Variants in MCTP2 observed in about 807,000 individuals in gnomAD.
MCTP2 encodes multiple C2 and transmembrane domain containing 2.
In MCTP2, 132 loss-of-function variants were observed where a neutral mutation model predicts 111.6. The observed-to-expected ratio is 1.18, with a 90% CI of 1.03 to 1.37. The LOEUF is 1.37. Among genes scored for constraint, MCTP2 ranks in the 40% most tolerant of loss-of-function variants. The pLI is 0.00. For synonymous variants in MCTP2, 395 were observed against 387.7 expected, an observed-to-expected ratio of 1.02 and a Z score of -0.22; for missense variants, 1,183 against 1,067.9, an observed-to-expected ratio of 1.11 and a Z score of -1.50.
chr15:94,300,323 C>T (rs113609663), intron 2 of MCTP2, among the ~76,000 whole-genome samples: 1,921 of 152,026 alleles, frequency 0.013, 38 homozygotes, highest in African/African-American at 0.044. Context: ...TCCTAGCTAA[C>T]ACGGTGAAAC....
In MCTP2 at chr15:94,265,743, A is replaced by G. The variant is rs1166367123; in HGVS notation, c.-65-32458A>G. On this transcript the variant is annotated intron_variant, in intron 1 of 22. Transcript: ENST00000357742. The stretch of plus-strand genomic sequence containing the variant: ...ATTATCTTAATGAAGCCTTTTTAAA[A>G]AGGAAGATAAAATGAAGGCAAAATA... Among the ~76,000 whole-genome samples the G allele has an allele frequency of 4.1e-4, 62 of 152,216 alleles. 1 individual carries two copies. Among genetic ancestry groups the G allele is most frequent in the Admixed American group, 4.1e-3 (62 of 15,286 alleles).
intron 1 of MCTP2, among the ~76,000 whole-genome samples, chr15:94,285,544 C>T (rs915001945): frequency 1.3e-5 from 2 of 151,888 alleles, no homozygotes; most frequent in African/African-American, 2.4e-5. Context: ...ACATTAACTT[C>T]GTTAGGGTTC....
At chr15:94,275,755 A>G (rs1329204972) in intron 1 of MCTP2, among the ~76,000 whole-genome samples, 1 of 152,198 alleles carries the variant, frequency 6.6e-6, no homozygotes, top group Non-Finnish European at 1.5e-5. Context: ...TAAGAAAGAT[A>G]AGAGCAGGTG....
intron 17 of MCTP2, among the ~76,000 whole-genome samples, chr15:94,431,353 G>A (rs1023787163): frequency 3.9e-5 from 6 of 152,152 alleles, no homozygotes; most frequent in Non-Finnish European, 8.8e-5. Context: ...CAAATGGTGC[G>A]GTGTGATTAG....
In MCTP2 at chr15:94,300,027, A is replaced by G. The variant is rs368289697; in HGVS notation, c.465+1297A>G. On this transcript the variant is annotated intron_variant, in intron 2 of 22. Coordinates refer to ENST00000357742, the MANE Select transcript of MCTP2 (RefSeq NM_001385001.1). ...ACATGTTTCTTTTAAACAAAATGCA[A>G]ATGAAGTAGATTATTAAATCAGGTC... 3.3e-5 allele frequency among the ~76,000 whole-genome samples: 5 copies of G among 152,334 alleles called. No homozygotes were observed. The East Asian group carries it at 7.7e-4, about 23-fold the overall frequency.
chr15:94,396,982 T>C (rs1013227108), intron 14 of MCTP2, among the ~76,000 whole-genome samples: 1 of 152,212 alleles, frequency 6.6e-6, no homozygotes, highest in African/African-American at 2.4e-5. Context: ...TTTTTATGAA[T>C]ATAAAATCTC....
intron 19 of MCTP2, among the ~76,000 whole-genome samples, chr15:94,444,460 T>C (rs2084005104): frequency 6.6e-6 from 1 of 152,240 alleles, no homozygotes; most frequent in Non-Finnish European, 1.5e-5. Context: ...TACTGAAAGT[T>C]CTAACCTTCT....
At chr15:94,349,817 C>G (rs916623336) in intron 8 of MCTP2, among the ~76,000 whole-genome samples, 1 of 79,086 alleles carries the variant, frequency 1.3e-5, no homozygotes, top group Non-Finnish European at 2.4e-5. Context: ...GGGACTCTGT[C>G]TGAAAAAAAA....
chr15:94,420,575 G>A (rs2082579122), intron 17 of MCTP2, among the ~76,000 whole-genome samples: 1 of 152,084 alleles, frequency 6.6e-6, no homozygotes, highest in African/African-American at 2.4e-5. Context: ...CAGATGACTT[G>A]GAAGGGTGGA....
chr15:94,367,828 C>A, intron 11 of MCTP2, 37 bp downstream of exon 11: 1 of 1,524,234 alleles, frequency 6.6e-7, no homozygotes, highest in South Asian at 1.2e-5. Flanking sequence ...CCCCCTCCTC[C>A]CACCTTCTCT....
intron 19 of MCTP2, among the ~76,000 whole-genome samples, chr15:94,448,619 A>G (rs761272329): frequency 6.6e-6 from 1 of 152,178 alleles, no homozygotes; most frequent in Non-Finnish European, 1.5e-5. Context: ...GTATTCCCAA[A>G]TCCCAAAACA....
At chr15:94,318,795 A>C (rs1335091805) in intron 4 of MCTP2, among the ~76,000 whole-genome samples, 1 of 152,208 alleles carries the variant, frequency 6.6e-6, no homozygotes, top group Admixed American at 6.5e-5. Context: ...AAAATGATAC[A>C]ATAGGGCTTA....
chr15:94,341,203 T>G (rs2077622161), intron 7 of MCTP2: 1 of 354,710 alleles, frequency 2.8e-6, no homozygotes, highest in Non-Finnish European at 5.3e-6. Context: ...TCTTTTACTT[T>G]TAGCTACCAA....
intron 1 of MCTP2, among the ~76,000 whole-genome samples, chr15:94,268,581 G>T (rs1354370550): frequency 1.3e-5 from 2 of 151,924 alleles, no homozygotes; most frequent in African/African-American, 4.8e-5. Context: ...CCCTTGGCTG[G>T]CTTCCTTTGT....
At chr15:94,323,104 G>A (rs1489017796) in intron 4 of MCTP2, among the ~76,000 whole-genome samples, 2 of 152,196 alleles carry the variant, frequency 1.3e-5, no homozygotes, top group Non-Finnish European at 2.9e-5. Context: ...TGTTAAGCAG[G>A]TTATCAAGGT....
intron 1 of MCTP2, among the ~76,000 whole-genome samples, chr15:94,267,581 T>C (rs1011207221): frequency 2.0e-5 from 3 of 152,198 alleles, no homozygotes; most frequent in African/African-American, 7.2e-5. Context: ...TCCTGTGAGA[T>C]TGCTGGATCA....
At chr15:94,319,761 A>G (rs1268399696) in intron 4 of MCTP2, among the ~76,000 whole-genome samples, 2 of 152,054 alleles carry the variant, frequency 1.3e-5, no homozygotes, top group Non-Finnish European at 2.9e-5. Context: ...CTTAATTTGT[A>G]TTGGAATATA....
At chr15:94,385,563 T>C (rs1211366377) in intron 14 of MCTP2, 38 bp downstream of exon 14, 2 of 1,401,164 alleles carry the variant, frequency 1.4e-6, no homozygotes, top group Non-Finnish European at 1.0e-6. Flanking sequence ...TGTGAGTCAT[T>C]TTATAGTTGA....
At chr15:94,333,747 G>C (rs143796409) in intron 4 of MCTP2, among the ~76,000 whole-genome samples, 1 of 152,136 alleles carries the variant, frequency 6.6e-6, no homozygotes, top group African/African-American at 2.4e-5. Context: ...TTTATTAATT[G>C]TATCTCCAAA....
Sources: allele counts gnomAD v4.1 joint callset (sites outside exome capture counted in the v4.1 genomes callset), GRCh38; gene constraint gnomAD v4.1.1; transcripts MANE v1.5; gene names NCBI Gene and HGNC (gene_info 2026-07-23, HGNC 2026-07-21).